TFEC: variants seen among roughly 807,000 people sequenced by gnomAD.
The protein encoded by TFEC is class E basic helix-loop-helix protein 34.
TFEC carries 31 observed loss-of-function variants against 41.6 expected under a neutral mutation model. The ratio of observed to expected loss-of-function variants is 0.74; its 90% CI spans 0.56 to 1.01. The LOEUF is 1.01. TFEC is among the 50% of genes least tolerant of loss of function. TFEC has a pLI of 0.00. For synonymous variants in TFEC, 143 were observed against 140.6 expected (o/e 1.02, Z -0.12); for missense variants, 402 against 404.1 (o/e 0.99, Z 0.04).
chr7:116,157,139 C>G (rs1346628427), intron 1 of TFEC, among the ~76,000 whole-genome samples: 1 of 152,080 alleles, frequency 6.6e-6, no homozygotes, highest in African/African-American at 2.4e-5. Flanking sequence ...TTATCATATT[C>G]CCTAAAATTT....
intron 3 of TFEC, among the ~76,000 whole-genome samples, chr7:116,047,885 C>G (rs929536845): frequency 2.6e-5 from 4 of 152,132 alleles, no homozygotes; most frequent in African/African-American, 7.2e-5. Flanking sequence ...CTGCAGTGGA[C>G]CTCCAGCAAA....
At chr7:116,062,943 G>A (rs752373408) in intron 3 of TFEC, among the ~76,000 whole-genome samples, 4 of 152,152 alleles carry the variant, frequency 2.6e-5, no homozygotes, top group South Asian at 4.1e-4. Flanking sequence ...CCACTCTTAG[G>A]TATTTATTTA....
At chr7:116,096,644 G>T (rs930805752) in intron 3 of TFEC, among the ~76,000 whole-genome samples, 1 of 151,152 alleles carries the variant, frequency 6.6e-6, no homozygotes, top group African/African-American at 2.4e-5. Flanking sequence ...CCGATATTTT[G>T]TGCATTTTAA....
At chr7:115,964,145 C>A (rs1229743185) in intron 3 of TFEC, among the ~76,000 whole-genome samples, 1 of 151,408 alleles carries the variant, frequency 6.6e-6, no homozygotes, top group African/African-American at 2.4e-5. Context: ...AATGCTTAGA[C>A]AAAATGCAAA....
At chr7:115,999,016 T>G (rs1442085087) in intron 1 of TFEC, among the ~76,000 whole-genome samples, 1 of 152,004 alleles carries the variant, frequency 6.6e-6, no homozygotes, top group East Asian at 1.9e-4. Context: ...TTTCATTCAA[T>G]GGCTACAATA....
chr7:116,135,364 G>A (rs894713032), intron 1 of TFEC, among the ~76,000 whole-genome samples: 8 of 152,108 alleles, frequency 5.3e-5, no homozygotes, highest in Admixed American at 3.3e-4. Flanking sequence ...TGGTTCAAAA[G>A]TTGTACGATT....
At chr7:116,029,165 T>C (rs370686328) in intron 1 of TFEC, among the ~76,000 whole-genome samples, 7 of 151,752 alleles carry the variant, frequency 4.6e-5, no homozygotes, top group African/African-American at 1.5e-4. Flanking sequence ...TGGAATAAAA[T>C]TGAAAACTTA....
chr7:116,060,555 T>G (rs1271861916), intron 3 of TFEC, among the ~76,000 whole-genome samples: 1 of 152,152 alleles, frequency 6.6e-6, no homozygotes, highest in Non-Finnish European at 1.5e-5. Flanking sequence ...CATCATGTCT[T>G]TTGTGGAAAC....
intron 1 of TFEC, among the ~76,000 whole-genome samples, chr7:116,147,847 G>C (rs997670809): frequency 6.6e-6 from 1 of 152,122 alleles, no homozygotes; most frequent in Admixed American, 6.5e-5. Flanking sequence ...TACTTACTAT[G>C]TGTTGGATAG....
intron 1 of TFEC, among the ~76,000 whole-genome samples, chr7:116,001,748 T>C (rs2130776954): frequency 6.6e-6 from 1 of 152,132 alleles, no homozygotes; most frequent in South Asian, 2.1e-4. Flanking sequence ...AAACTAGTCA[T>C]CTGACATGGG....
In TFEC at chr7:116,023,827, A is replaced by C. The variant is rs77348338; in HGVS notation, c.-73+6806T>G. The stretch of plus-strand genomic sequence containing the variant: ...CCAAATGCCATAATTTGGTCTCCTC[A>C]GATTCCCTTTTTATGTAGATTCCAT... On this transcript the variant is annotated intron_variant, in intron 1 of 7. Transcript: ENST00000265440. Among the ~76,000 whole-genome samples the C allele has an allele frequency of 6.0e-3, 906 of 152,242 alleles. 11 individuals are homozygous for C. Among genetic ancestry groups the C allele is most frequent in the African/African-American group, 0.021 (877 of 41,562 alleles).
At chr7:116,040,119 T>G (rs1414581440) in intron 3 of TFEC, among the ~76,000 whole-genome samples, 3 of 152,246 alleles carry the variant, frequency 2.0e-5, no homozygotes, top group African/African-American at 7.2e-5. Context: ...CTGAAACCTT[T>G]TGGTCAGTGA....
Position 115,940,472 on chromosome 7 carries a change from A to G in TFEC, c.*79T>C, listed in dbSNP as rs1584541185. ...TTAAGAAAAAAAATAAGCCAAAGCA[A>G]CATATGAAACACAGAGCATAATTGC... On this transcript the variant is annotated 3_prime_UTR_variant, in exon 8 of 8. Coordinates refer to ENST00000265440, the MANE Select transcript of TFEC (RefSeq NM_012252.4). 1 of 1,440,882 alleles carries G rather than the reference A, an allele frequency of 6.9e-7. No homozygotes were observed. The highest frequency in any genetic ancestry group is 9.3e-7 in the Non-Finnish European group (1 of 1,080,430). The allele number at this position is 1,440,882 out of a possible 1,614,324, so 89.3% of individuals were successfully genotyped here. A position where few individuals can be genotyped will look rare whatever the true frequency, so the allele number is the denominator to read the frequency against.
intron 3 of TFEC, among the ~76,000 whole-genome samples, chr7:115,967,519 T>C (rs117727669): frequency 4.8e-3 from 732 of 151,966 alleles, no homozygotes; most frequent in Non-Finnish European, 8.4e-3. Flanking sequence ...ACAAGGTCTT[T>C]ATAGTTTCAG....
At chr7:116,114,589 G>C (rs1266218220) in intron 1 of TFEC, among the ~76,000 whole-genome samples, 1 of 151,922 alleles carries the variant, frequency 6.6e-6, no homozygotes, top group African/African-American at 2.4e-5. Context: ...GGGAGACAGA[G>C]AGTTTCTGCA....
intron 3 of TFEC, among the ~76,000 whole-genome samples, chr7:116,100,594 T>C (rs935141646): frequency 3.7e-5 from 4 of 108,686 alleles, no homozygotes; most frequent in Non-Finnish European, 8.3e-5. Flanking sequence ...AGGGGGTTAC[T>C]TGGTTCTCTA....
intron 1 of TFEC, among the ~76,000 whole-genome samples, chr7:116,143,666 C>T (rs17244139): frequency 0.16 from 23,628 of 152,080 alleles, 1,984 homozygotes; most frequent in East Asian, 0.33. Context: ...TAGGGAACTG[C>T]GGGATCCTAG....
chr7:115,997,146 G>A (rs1584665854), intron 1 of TFEC, among the ~76,000 whole-genome samples: 1 of 152,272 alleles, frequency 6.6e-6, no homozygotes, highest in Non-Finnish European at 1.5e-5. Context: ...GTGCTGTGCT[G>A]GCTTCAGTTC....
intron 2 of TFEC, among the ~76,000 whole-genome samples, chr7:115,976,511 G>T (rs1475208196): frequency 1.3e-5 from 2 of 152,072 alleles, no homozygotes; most frequent in Non-Finnish European, 2.9e-5. Flanking sequence ...TACAGTGGAG[G>T]GTGTAGCTCT....
Sources: allele counts gnomAD v4.1 joint callset (sites outside exome capture counted in the v4.1 genomes callset), GRCh38; gene constraint gnomAD v4.1.1; transcripts MANE v1.5; gene names NCBI Gene and HGNC (gene_info 2026-07-23, HGNC 2026-07-21).